Variants in NSUN7 observed in about 807,000 individuals in gnomAD.
NSUN7 encodes NOP2/Sun RNA methyltransferase family member 7.
NSUN7 carries 39 observed loss-of-function variants against 58.5 expected under a neutral mutation model. That is an observed-to-expected ratio of 0.67 (90% confidence interval 0.52 to 0.87). The LOEUF is 0.87. Ranked by LOEUF, NSUN7 falls within the 40% of genes least tolerant of loss-of-function variation. The pLI, the probability that NSUN7 is intolerant of heterozygous loss-of-function variation, is 0.00. For missense variants in NSUN7, 765 were observed against 844.1 expected (o/e 0.91, Z 1.16); for synonymous variants, 278 against 303.7 (o/e 0.92, Z 0.88).
At position 40,811,151 on chromosome 4, in the gene NSUN7, T is replaced by C. The variant is rs771075189; in HGVS notation, c.*2212T>C. 1 of 152,276 alleles carries C rather than the reference T, an allele frequency of 6.6e-6. No individual in the cohort carries two copies. The highest frequency in any genetic ancestry group is 2.4e-5 in the African/African-American group (1 of 41,468). 9.4% of individuals were successfully genotyped at this position (152,276 alleles called of 1,614,324 possible). A position where few individuals can be genotyped will look rare whatever the true frequency, so the allele number is the denominator to read the frequency against. ...AATTATTTTTCTCTTTAGAAGTATATGAAGATTCTGAATTAAACCATTCAT... is the reference window on the plus strand; with the variant it reads ...AATTATTTTTCTCTTTAGAAGTATACGAAGATTCTGAATTAAACCATTCAT... On this transcript the variant is annotated 3_prime_UTR_variant, in exon 12 of 12. Coordinates refer to ENST00000381782, the MANE Select transcript of NSUN7 (RefSeq NM_024677.6).
At chr4:40,786,093 C>T in intron 7 of NSUN7, 4 of 1,543,170 alleles carry the variant, frequency 2.6e-6, no homozygotes, top group Non-Finnish European at 3.5e-6. Context: ...CAATTTGGGA[C>T]ATTTATTTGC....
chr4:40,803,402 G>A (rs62303760), intron 10 of NSUN7, among the ~76,000 whole-genome samples: 21,877 of 152,026 alleles, frequency 0.14, 1,625 homozygotes, highest in Non-Finnish European at 0.16. Flanking sequence ...CAGTCCCACC[G>A]ACAGTGTTAA....
rs144070635 is a variant in NSUN7 at position 40,781,128 on chromosome 4, G to T, written c.1036+4869G>T. 4.5e-3 allele frequency among the ~76,000 whole-genome samples: 680 copies of T among 151,998 alleles called. 3 individuals carry two copies. Among genetic ancestry groups the T allele is most frequent in the Non-Finnish European group, 5.8e-3 (393 of 67,954 alleles). ...GTTGCCCAGGCTAGACTGCAGTGGA[G>T]CTATCTCAGCTCACTGCAACCTCTG... On this transcript the variant is annotated intron_variant, in intron 7 of 11. Transcript: ENST00000381782.
intron 10 of NSUN7, among the ~76,000 whole-genome samples, chr4:40,799,715 T>G (rs930388111): frequency 6.6e-6 from 1 of 152,146 alleles, no homozygotes; most frequent in Non-Finnish European, 1.5e-5. Flanking sequence ...CAAAAGAAAT[T>G]ATGCATTACC....
rs373595935 is a variant in NSUN7 at position 40,750,818 on chromosome 4, A to T, written c.125A>T (p.Tyr42Phe). The T allele has an allele frequency of 6.2e-7, 1 of 1,614,174 alleles. No individual in the cohort carries two copies. Among genetic ancestry groups the T allele is most frequent in the Admixed American group, 1.7e-5 (1 of 60,016 alleles). ...SSAGVPEKTG[Y>F]PDSVYVMAAN... is the part of the protein sequence containing the mutation. ...GCTGGTGTGCCCGAAAAAACGGGCT[A>T]TCCGGACTCCGTTTATGTCATGGCA... Residue 42 changes from tyrosine to phenylalanine, a missense_variant, in exon 2 of 12, where the codon TAT (tyrosine) becomes TTT (phenylalanine). Physicochemically the swap from Tyr to Phe is conservative, Grantham distance 22. Coordinates refer to ENST00000381782, the MANE Select transcript of NSUN7 (RefSeq NM_024677.6).
rs775358832 is a variant in NSUN7 at position 40,808,354 on chromosome 4, T to A, written c.1572T>A (p.Ala524=). ...CTGTGAATGATGTTTTGGCCCGAGC[T>A]GCAGCCAAGGGTCTGCTGGATGGGA... ...TVSVNDVLAR[A]AAKGLLDGIE... The change falls in exon 12 of 12, where the codon GCT becomes GCA. Residue 524 remains alanine (A), a synonymous_variant. Coordinates refer to ENST00000381782, the MANE Select transcript of NSUN7 (RefSeq NM_024677.6). 6.2e-7 allele frequency: 1 copy of A among 1,614,086 alleles called. No individual in the cohort carries two copies. The highest frequency in any genetic ancestry group is 8.5e-7 in the Non-Finnish European group (1 of 1,179,994).
At chr4:40,779,669 G>A (rs952345966) in intron 7 of NSUN7, among the ~76,000 whole-genome samples, 4 of 152,238 alleles carry the variant, frequency 2.6e-5, no homozygotes, top group South Asian at 2.1e-4. Context: ...CAAAAGTTAA[G>A]TACATAGGTA....
intron 8 of NSUN7, among the ~76,000 whole-genome samples, chr4:40,792,362 A>G (rs919685426): frequency 1.3e-5 from 2 of 152,230 alleles, no homozygotes; most frequent in African/African-American, 4.8e-5. Context: ...CCCAGAGGAA[A>G]ATACAAATAA....
chr4:40,788,514 C>T (rs192667525), intron 7 of NSUN7, among the ~76,000 whole-genome samples: 122 of 152,300 alleles, frequency 8.0e-4, no homozygotes, highest in African/African-American at 2.9e-3. Flanking sequence ...CCTCTCAGCT[C>T]TAAACCCACA....
chr4:40,757,706 TTGTG>T (rs1198173925), intron 2 of NSUN7, among the ~76,000 whole-genome samples: 2 of 105,344 alleles, frequency 1.9e-5, no homozygotes, highest in Admixed American at 1.1e-4. Context: ...TATATATACA[TTGTG>T]TGTGTGTGTA....
chr4:40,780,654 A>C (rs1742486090), intron 7 of NSUN7, among the ~76,000 whole-genome samples: 1 of 151,434 alleles, frequency 6.6e-6, no homozygotes, highest in Non-Finnish European at 1.5e-5. Context: ...AAAAAGCAAG[A>C]CAAATAGCAA....
intron 9 of NSUN7, among the ~76,000 whole-genome samples, chr4:40,797,644 C>T (rs1005011362): frequency 3.3e-5 from 5 of 152,022 alleles, no homozygotes; most frequent in Admixed American, 2.6e-4. Context: ...ACCACTACCA[C>T]GGTGTCCAAA....
chr4:40,793,775 G>C (rs952058143), intron 8 of NSUN7, among the ~76,000 whole-genome samples: 3 of 152,184 alleles, frequency 2.0e-5, no homozygotes, highest in African/African-American at 7.2e-5. Flanking sequence ...AATTCTTCAA[G>C]AGGTCGTTAA....
chr4:40,778,415 C>A (rs970548736), intron 7 of NSUN7, among the ~76,000 whole-genome samples: 1 of 152,174 alleles, frequency 6.6e-6, no homozygotes, highest in Non-Finnish European at 1.5e-5. Flanking sequence ...AAAATCCTAA[C>A]CCCCGAAGTG....
At chr4:40,769,276 T>C (rs760484874) in intron 4 of NSUN7, among the ~76,000 whole-genome samples, 7 of 152,224 alleles carry the variant, frequency 4.6e-5, no homozygotes, top group Non-Finnish European at 8.8e-5. Flanking sequence ...TAGAGTGATA[T>C]TTTCAAAATG....
At chr4:40,761,766 A>T in intron 4 of NSUN7, among the ~76,000 whole-genome samples, 1 of 152,194 alleles carries the variant, frequency 6.6e-6, no homozygotes, top group East Asian at 1.9e-4. Context: ...TTTTCTTTTT[A>T]TCCTAAATAT....
rs373340587 is a variant in NSUN7, at chr4:40,774,238, G to C, written c.489-27G>C. ...TGATAGTCTTGTCTCAAATGCAATA[G>C]ATTAAGGATGGATTTTCTGTCTCTA... On this transcript the variant is annotated intron_variant, in intron 4 of 11. Coordinates refer to ENST00000381782, the MANE Select transcript of NSUN7 (RefSeq NM_024677.6). The C allele has an allele frequency of 3.4e-5, 54 of 1,609,108 alleles. No individual in the cohort carries two copies. The African/African-American group carries it at 7.2e-4, about 22-fold the overall frequency.
chr4:40,790,064 C>CTTTTTTT (rs60071501), intron 7 of NSUN7, among the ~76,000 whole-genome samples: 6 of 121,584 alleles, frequency 4.9e-5, no homozygotes, highest in Non-Finnish European at 6.6e-5. Flanking sequence ...CCTCCCCCAC[C>CTTTTTTT]TTTTTTTTTT....
chr4:40,792,603 T>G (rs1014777681), intron 8 of NSUN7, among the ~76,000 whole-genome samples: 1 of 151,988 alleles, frequency 6.6e-6, no homozygotes, highest in Non-Finnish European at 1.5e-5. Context: ...TACAAAAAAT[T>G]AGCCGGGCGA....
Sources: gnomAD v4.1 joint callset for allele counts (sites outside exome capture counted in the v4.1 genomes callset) on GRCh38, gnomAD v4.1.1 for gene constraint, MANE v1.5 for transcripts, NCBI Gene and HGNC (gene_info 2026-07-23, HGNC 2026-07-21) for gene names.